Variants in NDUFAF2 observed in about 807,000 individuals in gnomAD.
NDUFAF2 encodes the protein NADH:ubiquinone oxidoreductase complex assembly factor 2, also known as NADH dehydrogenase [ubiquinone] 1 alpha subcomplex assembly factor 2.
In NDUFAF2, 13 loss-of-function variants were observed where a neutral mutation model predicts 22.8. That is an observed-to-expected ratio of 0.57 (90% CI 0.37 to 0.91). NDUFAF2 has a LOEUF of 0.91. Among genes scored for constraint, NDUFAF2 ranks in the 40% least tolerant of loss-of-function variants. NDUFAF2 has a pLI of 0.01. For missense variants in NDUFAF2, 162 were observed against 195.2 expected, an observed-to-expected ratio of 0.83 and a Z score of 1.01; for synonymous variants, 53 against 64.2, an observed-to-expected ratio of 0.83 and a Z score of 0.84.
intron 3 of NDUFAF2, among the ~76,000 whole-genome samples, chr5:61,129,439 A>C (rs992998750): frequency 1.3e-5 from 2 of 152,216 alleles, no homozygotes; most frequent in African/African-American, 2.4e-5. Context: ...TGGCACATAT[A>C]CACCATGGAA....
chr5:61,108,867 A>G (rs1221436518), intron 3 of NDUFAF2, among the ~76,000 whole-genome samples: 3 of 152,054 alleles, frequency 2.0e-5, no homozygotes, highest in Non-Finnish European at 2.9e-5. Context: ...CTATCACTGT[A>G]TAGTGTAATT....
intron 1 of NDUFAF2, among the ~76,000 whole-genome samples, chr5:61,065,827 A>G (rs248680): frequency 0.14 from 20,886 of 152,044 alleles, 1,769 homozygotes; most frequent in South Asian, 0.26. Context: ...TCAGCGTAGT[A>G]CTAGAAGTAC....
intron 3 of NDUFAF2, among the ~76,000 whole-genome samples, chr5:61,107,206 T>C (rs1337282141): frequency 6.6e-6 from 1 of 151,340 alleles, no homozygotes; most frequent in African/African-American, 2.5e-5. Flanking sequence ...CCACCAACAG[T>C]GTACAAGGGT....
intron 1 of NDUFAF2, among the ~76,000 whole-genome samples, chr5:60,977,035 T>G (rs1750911050): frequency 6.6e-6 from 1 of 152,188 alleles, no homozygotes; most frequent in African/African-American, 2.4e-5. Flanking sequence ...CACAAATTAC[T>G]TTCTCTTAGA....
intron 1 of NDUFAF2, among the ~76,000 whole-genome samples, chr5:60,986,777 A>C (rs113640627): frequency 1.3e-5 from 2 of 151,830 alleles, no homozygotes; most frequent in Non-Finnish European, 1.5e-5. Flanking sequence ...AAAAAAATAC[A>C]AAAAATAAGC....
chr5:61,075,611 A>T (rs1369012035), intron 2 of NDUFAF2, among the ~76,000 whole-genome samples: 5 of 152,152 alleles, frequency 3.3e-5, no homozygotes, highest in Admixed American at 2.6e-4. Flanking sequence ...AGCCTTTGAG[A>T]CTTTCAGAGA....
At position 61,147,437 on chromosome 5, in the gene NDUFAF2, C is replaced by CTTTTTTTTTTTTTTTTTT. The variant is rs1240336890; in HGVS notation, c.259-5250_259-5249insTTTTTTTTTTTTTTTTTT. Reference sequence around the variant, plus strand: ...CTAATTTTTGTATTTTTTTTTCTTTCTTTTTTTTTTTTTTTTTGTAGCAAC... The same window carrying CTTTTTTTTTTTTTTTTTT: ...CTAATTTTTGTATTTTTTTTTCTTTCTTTTTTTTTTTTTTTTTTTTTTTTTTTTTTTTTTTGTAGCAAC... On this transcript the variant is annotated intron_variant, in intron 3 of 3. Coordinates refer to ENST00000296597, the MANE Select transcript of NDUFAF2 (RefSeq NM_174889.5). Among the ~76,000 whole-genome samples the CTTTTTTTTTTTTTTTTTT allele has an allele frequency of 5.5e-3, 468 of 84,650 alleles. 40 individuals are homozygous for CTTTTTTTTTTTTTTTTTT. Among genetic ancestry groups the CTTTTTTTTTTTTTTTTTT allele is most frequent in the East Asian group, 0.017 (30 of 1,800 alleles). 55.5% of individuals were successfully genotyped at this position (84,650 alleles called of 152,430 possible). A position where few individuals can be genotyped will look rare whatever the true frequency, so the allele number is the denominator to read the frequency against.
rs187948888 is a variant in NDUFAF2, at chr5:61,034,685, A to C, written c.128-38440A>C. Reference sequence around the variant, plus strand: ...ATACATTATATATGTAATAATTGCCAAAGGAATTTAAAAACAAAATTCAAC... The same window carrying C: ...ATACATTATATATGTAATAATTGCCCAAGGAATTTAAAAACAAAATTCAAC... On this transcript the variant is annotated intron_variant, in intron 1 of 3. Transcript: ENST00000296597. Among the ~76,000 whole-genome samples the C allele has an allele frequency of 4.6e-5, 7 of 152,330 alleles. No homozygotes were observed. The East Asian group carries it at 1.3e-3, about 29-fold the overall frequency.
At chr5:60,974,756 G>A (rs1055624745) in intron 1 of NDUFAF2, among the ~76,000 whole-genome samples, 7 of 152,136 alleles carry the variant, frequency 4.6e-5, no homozygotes, top group African/African-American at 1.7e-4. Flanking sequence ...ATGAATGATT[G>A]TGACAAGAGC....
At chr5:61,034,805 G>T (rs910074432) in intron 1 of NDUFAF2, among the ~76,000 whole-genome samples, 8 of 152,044 alleles carry the variant, frequency 5.3e-5, no homozygotes, top group African/African-American at 1.9e-4. Flanking sequence ...ATCTCAGAAA[G>T]AGATGAGATA....
intron 3 of NDUFAF2, among the ~76,000 whole-genome samples, chr5:61,112,717 T>TTTTAATAGAGAA (rs1432263734): frequency 1.3e-5 from 2 of 152,158 alleles, no homozygotes; most frequent in Non-Finnish European, 2.9e-5. Context: ...CTAATTTGTC[T>TTTTAATAGAGAA]TTTAATAGAG....
At chr5:61,009,657 C>T (rs1038138485) in intron 1 of NDUFAF2, among the ~76,000 whole-genome samples, 2 of 152,016 alleles carry the variant, frequency 1.3e-5, no homozygotes, top group Non-Finnish European at 2.9e-5. Flanking sequence ...CTAATTAGAG[C>T]TCTGTTCTCA....
intron 1 of NDUFAF2, among the ~76,000 whole-genome samples, chr5:60,961,698 A>G (rs1320917473): frequency 4.7e-5 from 7 of 149,702 alleles, no homozygotes; most frequent in Non-Finnish European, 1.0e-4. Context: ...CCCAGGAGGC[A>G]GAGGTTGCAG....
chr5:61,152,544 C>T (rs1262349330), intron 3 of NDUFAF2, among the ~76,000 whole-genome samples, 160 bp from the exon 4 acceptor site: 1 of 151,800 alleles, frequency 6.6e-6, no homozygotes, highest in African/African-American at 2.4e-5. Context: ...AATCATACAG[C>T]TTTTTCAAAC....
chr5:61,038,321 C>T (rs937637921), intron 1 of NDUFAF2, among the ~76,000 whole-genome samples: 5 of 152,000 alleles, frequency 3.3e-5, no homozygotes, highest in African/African-American at 1.2e-4. Context: ...AAGAATATAT[C>T]CTGCAAATAA....
chr5:61,085,595 A>G (rs987859741), intron 2 of NDUFAF2, among the ~76,000 whole-genome samples: 11 of 152,250 alleles, frequency 7.2e-5, no homozygotes, highest in Non-Finnish European at 1.5e-5. Context: ...GATAAGAAAC[A>G]GATGACATGA....
intron 1 of NDUFAF2, among the ~76,000 whole-genome samples, chr5:61,038,502 A>G (rs1751830877): frequency 1.3e-5 from 2 of 152,268 alleles, no homozygotes; most frequent in African/African-American, 2.4e-5. Flanking sequence ...CACCCCCCAG[A>G]AAAAGAATTT....
At chr5:61,055,933 G>A (rs1752081441) in intron 1 of NDUFAF2, among the ~76,000 whole-genome samples, 1 of 152,016 alleles carries the variant, frequency 6.6e-6, no homozygotes, top group Non-Finnish European at 1.5e-5. Flanking sequence ...TAAAAATAAA[G>A]TGTCTATTAA....
At chr5:61,009,416 C>G (rs1031993319) in intron 1 of NDUFAF2, among the ~76,000 whole-genome samples, 10 of 152,034 alleles carry the variant, frequency 6.6e-5, no homozygotes, top group Non-Finnish European at 1.0e-4. Context: ...TCAACCCCCT[C>G]CCTCAAGAGC....
Sources: allele counts gnomAD v4.1 joint callset (sites outside exome capture counted in the v4.1 genomes callset), GRCh38; gene constraint gnomAD v4.1.1; transcripts MANE v1.5; gene names NCBI Gene and HGNC (gene_info 2026-07-23, HGNC 2026-07-21).